The following PARVA variants were observed in gnomAD, a reference collection of about 807,000 sequenced individuals.
PARVA encodes the protein parvin alpha.
In PARVA, 25 loss-of-function variants were observed where a neutral mutation model predicts 52.6. That is an observed-to-expected ratio of 0.48 (90% confidence interval 0.35 to 0.66). The LOEUF (loss-of-function observed/expected upper bound fraction) is 0.66. Among genes scored for constraint, PARVA ranks in the 30% least tolerant of loss-of-function variants. The probability of loss-of-function intolerance (pLI) is 0.01; values close to 1 mark genes in which losing one functional copy is unlikely to be tolerated. For synonymous variants in PARVA, 185 were observed against 179.1 expected, an observed-to-expected ratio of 1.03 and a Z score of -0.26; for missense variants, 373 against 450.9, an observed-to-expected ratio of 0.83 and a Z score of 1.56.
intron 4 of PARVA, among the ~76,000 whole-genome samples, chr11:12,483,371 G>A (rs930271695): frequency 2.0e-5 from 3 of 152,212 alleles, no homozygotes; most frequent in Admixed American, 6.5e-5. Context: ...AGTAGGGCAC[G>A]TAAGAGGGGA....
chr11:12,435,898 A>G (rs1045212210), intron 1 of PARVA, among the ~76,000 whole-genome samples: 13 of 151,876 alleles, frequency 8.6e-5, no homozygotes, highest in Non-Finnish European at 1.5e-4. Flanking sequence ...GCTCACTGCA[A>G]CCTCTGCTTC....
intron 3 of PARVA, 143 bp downstream of exon 3, chr11:12,474,126 T>C (rs1940972675): frequency 2.9e-6 from 2 of 680,692 alleles, no homozygotes; most frequent in East Asian, 5.4e-5. Flanking sequence ...GTGAGTTGTC[T>C]AGCAGATGGC....
intron 1 of PARVA, among the ~76,000 whole-genome samples, chr11:12,401,278 T>A (rs761369386): frequency 1.3e-5 from 2 of 152,230 alleles, no homozygotes; most frequent in Non-Finnish European, 2.9e-5. Context: ...TTAGGAAAGC[T>A]ATGTTAATAA....
chr11:12,517,898 T>A (rs1941590575), intron 11 of PARVA, among the ~76,000 whole-genome samples, 187 bp downstream of exon 11: 1 of 152,188 alleles, frequency 6.6e-6, no homozygotes, highest in African/African-American at 2.4e-5. Context: ...CCACTGGGCA[T>A]CCCTGACTGC....
intron 1 of PARVA, among the ~76,000 whole-genome samples, chr11:12,451,566 T>C (rs759337696): frequency 2.0e-5 from 3 of 152,118 alleles, no homozygotes; most frequent in Non-Finnish European, 4.4e-5. Flanking sequence ...TGGGGAGGTA[T>C]AATATGATTA....
chr11:12,489,008 C>T lies in PARVA; in HGVS notation c.401-7450C>T, dbSNP rs183307673. ...AACAATAATCTGTAGATTCATCCCA[C>T]AAATACTATAAATATTAGAAACTGT... On this transcript the variant is annotated intron_variant, in intron 4 of 12. Coordinates refer to ENST00000334956, the MANE Select transcript of PARVA (RefSeq NM_018222.5). 1.2e-4 allele frequency among the ~76,000 whole-genome samples: 19 copies of T among 152,122 alleles called. No homozygotes were observed. The East Asian group carries it at 1.9e-3, about 15-fold the overall frequency.
At chr11:12,420,717 T>C (rs151173607) in intron 1 of PARVA, among the ~76,000 whole-genome samples, 138 of 152,314 alleles carry the variant, frequency 9.1e-4, no homozygotes, top group African/African-American at 3.2e-3. Flanking sequence ...TTCTAAGCAC[T>C]TTACAGGTCT....
intron 4 of PARVA, among the ~76,000 whole-genome samples, chr11:12,490,393 C>T (rs61538260): frequency 0.16 from 23,610 of 149,876 alleles, 2,138 homozygotes; most frequent in African/African-American, 0.25. Flanking sequence ...GCAATAGTGG[C>T]GCACACCTGT....
chr11:12,517,477 C>A (rs1941583586), intron 10 of PARVA, 133 bp from the exon 11 acceptor site: 5 of 685,028 alleles, frequency 7.3e-6, no homozygotes, highest in South Asian at 5.2e-5. Flanking sequence ...GGGCCACTGC[C>A]CCTACCCCCG....
In PARVA at chr11:12,529,203, A is replaced by G. The variant is rs1412601110; in HGVS notation, c.*1278A>G. The G allele has an allele frequency of 6.6e-6, 1 of 152,166 alleles. No individual in the cohort carries two copies. The highest frequency in any genetic ancestry group is 1.5e-5 in the Non-Finnish European group (1 of 68,032). 9.4% of individuals were successfully genotyped at this position (152,166 alleles called of 1,614,324 possible). On this transcript the variant is annotated 3_prime_UTR_variant, in exon 13 of 13. Transcript: ENST00000334956. ...TAAGTCATTTAGACCAAAGCCAAGC[A>G]GTTTCTTTGCGTGGGTTACTCAAGG...
rs559231763 is a variant in PARVA, at chr11:12,439,021, T to C, written c.137-34724T>C. On this transcript the variant is annotated intron_variant, in intron 1 of 12. Coordinates refer to ENST00000334956, the MANE Select transcript of PARVA (RefSeq NM_018222.5). ...GTACTGTAGTGCCTGGGATGGCTCATGTCTTCAGAAGGGCCTAATGATATG... is the reference window on the plus strand; with the variant it reads ...GTACTGTAGTGCCTGGGATGGCTCACGTCTTCAGAAGGGCCTAATGATATG... Among the ~76,000 whole-genome samples the C allele has an allele frequency of 3.9e-5, 6 of 152,330 alleles. No homozygotes were observed. In the South Asian group the frequency reaches 1.2e-3, roughly 32 times the overall value.
chr11:12,502,088 T>A (rs1453029571), intron 5 of PARVA, among the ~76,000 whole-genome samples: 1 of 152,202 alleles, frequency 6.6e-6, no homozygotes, highest in African/African-American at 2.4e-5. Flanking sequence ...TCAGGATCTT[T>A]TTTTGAGGCT....
At chr11:12,522,378 C>T (rs1005616487) in intron 12 of PARVA, among the ~76,000 whole-genome samples, 4 of 150,526 alleles carry the variant, frequency 2.7e-5, no homozygotes, top group Non-Finnish European at 4.4e-5. Context: ...TTTTGAAGCA[C>T]TGAAAACCTA....
At chr11:12,412,402 T>C (rs138120319) in intron 1 of PARVA, among the ~76,000 whole-genome samples, 1 of 152,316 alleles carries the variant, frequency 6.6e-6, no homozygotes, top group East Asian at 1.9e-4. Context: ...TGGGTGGGTC[T>C]TTTAAGGCCG....
At chr11:12,519,455 G>A (rs1165502183) in intron 12 of PARVA, among the ~76,000 whole-genome samples, 2 of 152,184 alleles carry the variant, frequency 1.3e-5, no homozygotes, top group Non-Finnish European at 1.5e-5. Context: ...AACCAGGGAA[G>A]AGAAAAGTTG....
At position 12,433,890 on chromosome 11, in the gene PARVA, T is replaced by A. The variant is rs528984397; in HGVS notation, c.137-39855T>A. Among the ~76,000 whole-genome samples, 4 of 152,320 alleles carry A rather than the reference T, an allele frequency of 2.6e-5. No individual in the cohort carries two copies. In the East Asian group the frequency reaches 5.8e-4, roughly 22 times the overall value. The stretch of plus-strand genomic sequence containing the variant: ...CGTGCCTCCTTTACCTTTTATGGAA[T>A]AAAGTGTGGAAAATTGACCACAGAT... On this transcript the variant is annotated intron_variant, in intron 1 of 12. Coordinates refer to ENST00000334956, the MANE Select transcript of PARVA (RefSeq NM_018222.5).
intron 1 of PARVA, among the ~76,000 whole-genome samples, chr11:12,457,530 G>T (rs1259050418): frequency 3.3e-5 from 5 of 152,198 alleles, no homozygotes; most frequent in Non-Finnish European, 7.3e-5. Context: ...TGCTGCCTCA[G>T]TTCCTCAGCC....
chr11:12,468,365 G>A (rs1024270202), intron 1 of PARVA, among the ~76,000 whole-genome samples: 3 of 152,202 alleles, frequency 2.0e-5, no homozygotes, highest in Non-Finnish European at 4.4e-5. Flanking sequence ...CATATTTAGA[G>A]ACCTCTGTCT....
At chr11:12,411,272 C>T (rs905882648) in intron 1 of PARVA, among the ~76,000 whole-genome samples, 1 of 152,128 alleles carries the variant, frequency 6.6e-6, no homozygotes, top group African/African-American at 2.4e-5. Flanking sequence ...TACCTTTGCA[C>T]CAACCTAATA....
Sources: allele counts gnomAD v4.1 joint callset (sites outside exome capture counted in the v4.1 genomes callset), GRCh38; gene constraint gnomAD v4.1.1; transcripts MANE v1.5; gene names NCBI Gene and HGNC (gene_info 2026-07-23, HGNC 2026-07-21).